Variants in UNC13C observed in about 807,000 individuals in gnomAD.
UNC13C encodes unc-13 homolog C.
UNC13C carries 174 observed loss-of-function variants against 245.4 expected under a neutral mutation model. The ratio of observed to expected loss-of-function variants is 0.71; its 90% CI spans 0.63 to 0.80. UNC13C has a LOEUF of 0.80. Ranked by LOEUF, UNC13C falls within the 30% of genes least tolerant of loss-of-function variation. UNC13C has a pLI of 0.00. For synonymous variants in UNC13C, 992 were observed against 895.1 expected, an observed-to-expected ratio of 1.11 and a Z score of -1.93; for missense variants, 2,829 against 2,602.9, an observed-to-expected ratio of 1.09 and a Z score of -1.89.
rs767679628 is a variant in UNC13C at position 54,014,567 on chromosome 15, A to C, written c.1664A>C (p.Lys555Thr). The change falls in exon 2 of 33, where the codon AAA (lysine) becomes ACA (threonine). Residue 555 changes from lysine to threonine, a missense_variant. Lys to Thr is a moderately conservative substitution (Grantham distance 78). Coordinates refer to ENST00000260323, the MANE Select transcript of UNC13C (RefSeq NM_001080534.3). Reference sequence around the variant, plus strand: ...AGTCGTTCTGAATCAGATTTTTCCAAATTGTGTCAGTCTTACTCAGAAGAT... The same window carrying C: ...AGTCGTTCTGAATCAGATTTTTCCACATTGTGTCAGTCTTACTCAGAAGAT... ...KLSRSESDFS[K>T]LCQSYSEDFS... The C allele has an allele frequency of 1.2e-6, 2 of 1,613,624 alleles. No individual in the cohort carries two copies. The highest frequency in any genetic ancestry group is 1.7e-5 in the Admixed American group (1 of 59,906).
chr15:54,275,887 A>G (rs925212488), intron 10 of UNC13C, among the ~76,000 whole-genome samples: 6 of 152,132 alleles, frequency 3.9e-5, no homozygotes, highest in African/African-American at 1.4e-4. Context: ...ATAGATATCA[A>G]TAGGTGAATA....
chr15:54,478,167 A>AT (rs1892883217), intron 19 of UNC13C, among the ~76,000 whole-genome samples: 1 of 150,576 alleles, frequency 6.6e-6, no homozygotes, highest in Admixed American at 6.6e-5. Flanking sequence ...CCCCTTTATC[A>AT]TTTTTTATTG....
At chr15:54,161,062 G>A (rs961182799) in intron 4 of UNC13C, among the ~76,000 whole-genome samples, 1 of 151,950 alleles carries the variant, frequency 6.6e-6, no homozygotes, top group South Asian at 2.1e-4. Flanking sequence ...TACAATGAGT[G>A]GATTGTTGTA....
At chr15:54,045,025 G>T (rs77687947) in intron 2 of UNC13C, among the ~76,000 whole-genome samples, 8,946 of 152,032 alleles carry the variant, frequency 0.059, 578 homozygotes, top group East Asian at 0.27. Context: ...TCTGTGAGTT[G>T]TCTTTTCATT....
At chr15:54,083,862 C>T (rs1420787826) in intron 2 of UNC13C, among the ~76,000 whole-genome samples, 1 of 152,142 alleles carries the variant, frequency 6.6e-6, no homozygotes, top group African/African-American at 2.4e-5. Context: ...AGGACAGTGG[C>T]CAATGATAGG....
intron 1 of UNC13C, among the ~76,000 whole-genome samples, chr15:53,989,221 C>G (rs1165363639): frequency 1.3e-5 from 2 of 151,800 alleles, no homozygotes; most frequent in Non-Finnish European, 2.9e-5. Context: ...TATTTCTCAT[C>G]TAGACACTGT....
At chr15:54,611,661 T>C (rs191565261) in intron 30 of UNC13C, 1 of 152,274 alleles carries the variant, frequency 6.6e-6, no homozygotes, top group Admixed American at 6.5e-5. Flanking sequence ...AAGTAAGTTA[T>C]AAATCCCTCT....
At chr15:54,101,760 A>AT (rs1235588018) in intron 2 of UNC13C, among the ~76,000 whole-genome samples, 2 of 151,782 alleles carry the variant, frequency 1.3e-5, no homozygotes, top group Non-Finnish European at 2.9e-5. Flanking sequence ...TAGTTTTTGT[A>AT]TTTTTAGTAG....
At chr15:54,058,267 T>G (rs1369294917) in intron 2 of UNC13C, among the ~76,000 whole-genome samples, 2 of 151,890 alleles carry the variant, frequency 1.3e-5, no homozygotes, top group Admixed American at 6.6e-5. Flanking sequence ...CAATAAAAAA[T>G]GACAAAGGGG....
intron 8 of UNC13C, among the ~76,000 whole-genome samples, chr15:54,256,977 C>T (rs1432897344): frequency 1.3e-4 from 20 of 152,084 alleles, no homozygotes; most frequent in Admixed American, 1.3e-3. Context: ...TGTTTACGTC[C>T]AAGGAAAGAA....
rs1567288770 is a variant in UNC13C, at chr15:54,455,183, C to CTCTCTCTA, written c.4934-39418_4934-39417insATCTCTCT. On this transcript the variant is annotated intron_variant, in intron 19 of 32. Transcript: ENST00000260323. The stretch of plus-strand genomic sequence containing the variant: ...CATATTCCTCTCTCTCTCTCTCTCT[C>CTCTCTCTA]TCTCTCTCTCTCTCTCTCTCTCTAT... Among the ~76,000 whole-genome samples, 4 of 39,596 alleles carry CTCTCTCTA rather than the reference C, an allele frequency of 1.0e-4. 1 individual carries two copies. Among genetic ancestry groups the CTCTCTCTA allele is most frequent in the South Asian group, 1.7e-3 (1 of 584 alleles). 26.0% of individuals were successfully genotyped at this position (39,596 alleles called of 152,430 possible). A position where few individuals can be genotyped will look rare whatever the true frequency, so the allele number is the denominator to read the frequency against.
chr15:53,866,019 A>G, the UNC13C span, among the ~76,000 whole-genome samples: 53 of 152,180 alleles, frequency 3.5e-4, no homozygotes, highest in Non-Finnish European at 6.3e-4. Context: ...AGACAGTAGA[A>G]TTACCACAAA....
intron 2 of UNC13C, among the ~76,000 whole-genome samples, chr15:54,046,446 C>T (rs1354986715): frequency 1.3e-5 from 2 of 151,998 alleles, no homozygotes; most frequent in African/African-American, 2.4e-5. Flanking sequence ...CATATTTCAA[C>T]GTAATTTTAA....
At chr15:54,597,008 A>G (rs568208526) in intron 30 of UNC13C, among the ~76,000 whole-genome samples, 1 of 152,190 alleles carries the variant, frequency 6.6e-6, no homozygotes, top group African/African-American at 2.4e-5. Flanking sequence ...GGGAAGTCCC[A>G]TCTTCAGGAA....
At chr15:54,179,533 G>A (rs573183675) in intron 4 of UNC13C, among the ~76,000 whole-genome samples, 1 of 152,076 alleles carries the variant, frequency 6.6e-6, no homozygotes, top group Non-Finnish European at 1.5e-5. Context: ...GGGACATAGA[G>A]AAGATACTAT....
At chr15:53,897,279 C>G in the UNC13C span, among the ~76,000 whole-genome samples, 1 of 152,106 alleles carries the variant, frequency 6.6e-6, no homozygotes, top group African/African-American at 2.4e-5. Flanking sequence ...TCAGTGAGTC[C>G]TCAATGGGGT....
intron 29 of UNC13C, among the ~76,000 whole-genome samples, chr15:54,556,998 A>G (rs1163037158): frequency 1.3e-5 from 2 of 152,032 alleles, no homozygotes; most frequent in Non-Finnish European, 2.9e-5. Flanking sequence ...AGTTCTTCTC[A>G]GAGTCTAAGA....
chr15:54,107,736 A>G (rs1423158497), intron 2 of UNC13C, among the ~76,000 whole-genome samples: 1 of 152,208 alleles, frequency 6.6e-6, no homozygotes, highest in South Asian at 2.1e-4. Context: ...TTTGTACTAA[A>G]TAGCATGATT....
intron 13 of UNC13C, among the ~76,000 whole-genome samples, chr15:54,301,773 G>T (rs144263860): frequency 0.11 from 17,425 of 152,078 alleles, 1,044 homozygotes; most frequent in Middle Eastern, 0.16. Context: ...CTTTATAGTA[G>T]AATGATTTAT....
Sources: allele counts gnomAD v4.1 joint callset (sites outside exome capture counted in the v4.1 genomes callset), GRCh38; gene constraint gnomAD v4.1.1; transcripts MANE v1.5; gene names NCBI Gene and HGNC (gene_info 2026-07-23, HGNC 2026-07-21).